The following DAB1 variants were observed in gnomAD, a reference collection of about 807,000 sequenced individuals.
DAB1 encodes disabled homolog 1.
In DAB1, 15 loss-of-function variants were observed where a neutral mutation model predicts 64.6. The observed-to-expected ratio is 0.23, with a 90% confidence interval of 0.16 to 0.36. DAB1 has a LOEUF of 0.36. DAB1 is among the 10% of genes least tolerant of loss of function. The pLI, the probability that DAB1 is intolerant of heterozygous loss-of-function variation, is 1.00. For missense variants in DAB1, 596 were observed against 706.7 expected (o/e 0.84, Z 1.78); for synonymous variants, 235 against 251.9 (o/e 0.93, Z 0.64).
intron 6 of DAB1, among the ~76,000 whole-genome samples, chr1:57,706,800 C>T (rs139591684): frequency 1.7e-3 from 262 of 151,910 alleles, no homozygotes; most frequent in Non-Finnish European, 2.9e-3. Context: ...AGGCCGGGCG[C>T]GGTGGCTCAC....
intron 6 of DAB1, among the ~76,000 whole-genome samples, chr1:57,764,216 G>T (rs944704502): frequency 6.6e-6 from 1 of 152,150 alleles, no homozygotes; most frequent in Admixed American, 6.6e-5. Context: ...GAGGGGCCAT[G>T]AATTCAGGTC....
At chr1:57,200,761 A>G (rs2100269660) in intron 2 of DAB1, among the ~76,000 whole-genome samples, 1 of 152,360 alleles carries the variant, frequency 6.6e-6, no homozygotes, top group East Asian at 1.9e-4. Flanking sequence ...GAGGATCAAT[A>G]AATTGGCAAG....
At chr1:57,218,499 G>A (rs1360022551) in intron 2 of DAB1, among the ~76,000 whole-genome samples, 1 of 120,366 alleles carries the variant, frequency 8.3e-6, no homozygotes, top group Non-Finnish European at 1.6e-5. Context: ...GAGCAACATA[G>A]TGAGACCCCC....
chr1:57,662,488 G>A (rs1646399346), intron 6 of DAB1, among the ~76,000 whole-genome samples: 2 of 152,160 alleles, frequency 1.3e-5, no homozygotes. Context: ...GAGCCACCAC[G>A]CCTGGCCTGG....
chr1:57,153,058 C>T (rs1659846583), intron 2 of DAB1, among the ~76,000 whole-genome samples: 1 of 152,162 alleles, frequency 6.6e-6, no homozygotes, highest in Non-Finnish European at 1.5e-5. Flanking sequence ...CAGAATCTCA[C>T]TCTGTCATCC....
intron 5 of DAB1, among the ~76,000 whole-genome samples, chr1:58,103,490 A>G (rs1397735625): frequency 6.6e-6 from 1 of 152,188 alleles, no homozygotes; most frequent in Admixed American, 6.5e-5. Context: ...TACTGAAAAC[A>G]AAATTTAAAT....
At chr1:58,232,995 C>T (rs1220846450) in intron 4 of DAB1, among the ~76,000 whole-genome samples, 1 of 152,158 alleles carries the variant, frequency 6.6e-6, no homozygotes, top group African/African-American at 2.4e-5. Flanking sequence ...TTTCTTCTTT[C>T]CTGTATCTCA....
At chr1:57,724,643 C>A (rs1243977194) in intron 6 of DAB1, among the ~76,000 whole-genome samples, 1 of 152,150 alleles carries the variant, frequency 6.6e-6, no homozygotes, top group African/African-American at 2.4e-5. Context: ...CTTGCGGGCT[C>A]CCTTCTCCCC....
chr1:57,829,465 C>T (rs1056801103), intron 1 of DAB1, among the ~76,000 whole-genome samples: 4 of 152,166 alleles, frequency 2.6e-5, no homozygotes, highest in African/African-American at 7.2e-5. Flanking sequence ...TACAAGACTG[C>T]TATTATTCTG....
chr1:57,441,100 C>A (rs1685925163), intron 7 of DAB1, among the ~76,000 whole-genome samples: 1 of 152,120 alleles, frequency 6.6e-6, no homozygotes, highest in African/African-American at 2.4e-5. Context: ...TTAGCTCCCA[C>A]TTATAAGTGA....
intron 1 of DAB1, among the ~76,000 whole-genome samples, chr1:57,405,040 A>G (rs1570460994): frequency 1.3e-5 from 2 of 152,202 alleles, no homozygotes; most frequent in Admixed American, 6.5e-5. Context: ...AGTGGCTGGT[A>G]TCTCAATCTT....
chr1:57,106,923 A>G (rs1367238919), intron 4 of DAB1, among the ~76,000 whole-genome samples: 2 of 152,200 alleles, frequency 1.3e-5, no homozygotes, highest in African/African-American at 4.8e-5. Context: ...AGCAATAGCT[A>G]CATCTATTGG....
At chr1:57,419,733 G>T (rs1214951198) in intron 1 of DAB1, among the ~76,000 whole-genome samples, 3 of 152,170 alleles carry the variant, frequency 2.0e-5, no homozygotes, top group African/African-American at 4.8e-5. Flanking sequence ...ATTTTATGAG[G>T]TAAGTACTGT....
chr1:57,035,900 T>G (rs1647131409), intron 9 of DAB1, among the ~76,000 whole-genome samples: 2 of 137,072 alleles, frequency 1.5e-5, no homozygotes, highest in Non-Finnish European at 3.1e-5. Flanking sequence ...TGGAGTGCAG[T>G]GGTACAATGT....
chr1:57,823,602 T>A (rs750098080), downstream of DAB1, among the ~76,000 whole-genome samples: 2 of 152,132 alleles, frequency 1.3e-5, no homozygotes, highest in Non-Finnish European at 2.9e-5. Context: ...GAGTACATAA[T>A]TCATTTTTGT....
At chr1:57,735,518 C>G (rs151013162) in intron 6 of DAB1, among the ~76,000 whole-genome samples, 24 of 151,446 alleles carry the variant, frequency 1.6e-4, no homozygotes, top group Non-Finnish European at 1.5e-5. Flanking sequence ...TAAAATGCCT[C>G]TCTAGTAAGA....
intron 1 of DAB1, among the ~76,000 whole-genome samples, chr1:58,529,671 T>C (rs1212561675): frequency 6.6e-6 from 1 of 152,228 alleles, no homozygotes; most frequent in Non-Finnish European, 1.5e-5. Flanking sequence ...CAGTTGGCTC[T>C]CTATATCTGT....
chr1:58,356,103 G>A (rs534619498), intron 3 of DAB1, among the ~76,000 whole-genome samples: 12 of 152,318 alleles, frequency 7.9e-5, no homozygotes, highest in Non-Finnish European at 1.0e-4. Context: ...AGGTGGAGAT[G>A]AGAGAGAACC....
At chr1:58,180,498 T>C (rs1020171420) in intron 4 of DAB1, among the ~76,000 whole-genome samples, 1 of 151,912 alleles carries the variant, frequency 6.6e-6, no homozygotes, top group Admixed American at 6.6e-5. Context: ...TCTCACTATG[T>C]TGCCCAGGCT....
Sources: allele counts gnomAD v4.1 joint callset (sites outside exome capture counted in the v4.1 genomes callset), GRCh38; gene constraint gnomAD v4.1.1; transcripts MANE v1.5; gene names NCBI Gene and HGNC (gene_info 2026-07-23, HGNC 2026-07-21).